SS18: variants seen among roughly 807,000 people sequenced by gnomAD.
The protein encoded by SS18 is protein SSXT.
In SS18, 28 loss-of-function variants were observed where a neutral mutation model predicts 72.5. The observed-to-expected ratio is 0.39, with a 90% CI of 0.29 to 0.53. The LOEUF is 0.53. SS18 is among the 20% of genes least tolerant of loss of function. The pLI is 0.76. For missense variants in SS18, 518 were observed against 535.3 expected (o/e 0.97, Z 0.32); for synonymous variants, 172 against 164.2 (o/e 1.05, Z -0.37).
At chr18:26,058,448 G>A (rs1021437615) in intron 3 of SS18, among the ~76,000 whole-genome samples, 7 of 152,200 alleles carry the variant, frequency 4.6e-5, no homozygotes, top group Admixed American at 1.3e-4. Flanking sequence ...TATTTTGGTG[G>A]AGAAAGCAAA....
chr18:26,035,230 G>T lies in SS18; in HGVS notation c.974-103C>A. ...CAACAACACAAGAACAAAATGAAAT[G>T]CCATATTGATTTTTAGAAGTTAACA... On this transcript the variant is annotated intron_variant, in intron 8 of 10. Transcript: ENST00000415083. The surrounding 1 kb of genome is among the most constrained non-coding windows in gnomAD (Gnocchi z 4.4). 7.7e-7 allele frequency: 1 copy of T among 1,294,014 alleles called. No homozygotes were observed. The allele number at this position is 1,294,014 out of a possible 1,614,324, so 80.2% of individuals were successfully genotyped here.
intron 3 of SS18, among the ~76,000 whole-genome samples, chr18:26,077,196 C>A (rs2054431317): frequency 6.6e-6 from 1 of 151,882 alleles, no homozygotes; most frequent in African/African-American, 2.4e-5. Flanking sequence ...TCAAGTATAC[C>A]CATTGATCAA....
chr18:26,057,438 G>A (rs533292132), intron 4 of SS18, 151 bp downstream of exon 4: 1 of 836,404 alleles, frequency 1.2e-6, no homozygotes, highest in East Asian at 2.6e-5. Flanking sequence ...TACAGGTCAC[G>A]TAGCTCTGTA....
chr18:26,052,703 C>A lies in SS18; in HGVS notation c.528G>T (p.Gln176His). 6.2e-7 allele frequency: 1 copy of A among 1,614,158 alleles called. No homozygotes were observed. The highest frequency in any genetic ancestry group is 8.5e-7 in the Non-Finnish European group (1 of 1,179,992). The change falls in exon 5 of 11, where the codon CAG becomes CAT. Residue 176 changes from glutamine (Q) to histidine (H), a missense_variant. Transcript: ENST00000415083. ...SVPSSQSMPV[Q>H]NQMTMSQGQP... ...GTCCCTGACTCATTGTCATCTGATT[C>A]TGTACTGGCATGCTCTGTGATGATG...
At chr18:26,077,632 T>C (rs2054440224) in intron 3 of SS18, among the ~76,000 whole-genome samples, 1 of 152,174 alleles carries the variant, frequency 6.6e-6, no homozygotes, top group South Asian at 2.1e-4. Flanking sequence ...TTTAGGTTTG[T>C]TTTAGATAAC....
intron 3 of SS18, among the ~76,000 whole-genome samples, chr18:26,065,963 T>A (rs1049752496): frequency 6.6e-6 from 1 of 151,716 alleles, no homozygotes; most frequent in South Asian, 2.1e-4. Flanking sequence ...TTACGTGGAT[T>A]TGTCAAAACT....
intron 10 of SS18, among the ~76,000 whole-genome samples, chr18:26,030,273 T>C (rs1043702387): frequency 1.3e-5 from 2 of 152,198 alleles, no homozygotes; most frequent in Non-Finnish European, 2.9e-5. Context: ...TTAACACTAG[T>C]CCCTTTGTGA....
intron 3 of SS18, among the ~76,000 whole-genome samples, chr18:26,070,099 C>A (rs2054287845): frequency 6.6e-6 from 1 of 152,128 alleles, no homozygotes. Context: ...TCAGCCTTCA[C>A]CACCACACAA....
intron 3 of SS18, among the ~76,000 whole-genome samples, chr18:26,065,168 C>T (rs1397452292): frequency 3.3e-5 from 5 of 152,214 alleles, no homozygotes; most frequent in South Asian, 2.1e-4. Flanking sequence ...ATGTTGACCT[C>T]AAGATTCCAT....
At chr18:26,071,176 G>A (rs2054304232) in intron 3 of SS18, among the ~76,000 whole-genome samples, 1 of 152,154 alleles carries the variant, frequency 6.6e-6, no homozygotes, top group Non-Finnish European at 1.5e-5. Context: ...TTTGCTTGAA[G>A]AGATAATGAC....
chr18:26,087,239 T>C (rs543260364), intron 2 of SS18, among the ~76,000 whole-genome samples: 3 of 152,014 alleles, frequency 2.0e-5, no homozygotes, highest in South Asian at 4.2e-4. Context: ...AGTAGATTAG[T>C]GGTTGTCACG....
At position 26,035,204 on chromosome 18, in the gene SS18, C is replaced by G. The variant is rs141028137; in HGVS notation, c.974-77G>C. ...ACTTTTTTCCCTCTAAGATGCATAG[C>G]CAACAACACAAGAACAAAATGAAAT... On this transcript the variant is annotated intron_variant, in intron 8 of 10. Transcript: ENST00000415083. The surrounding 1 kb of genome is among the most constrained non-coding windows in gnomAD (Gnocchi z 4.4). The G allele has an allele frequency of 2.5e-4, 366 of 1,465,120 alleles. 2 individuals carry two copies. The African/African-American group carries it at 3.1e-3, about 13-fold the overall frequency. The allele number at this position is 1,465,120 out of a possible 1,614,324, so 90.8% of individuals were successfully genotyped here.
chr18:26,053,658 G>GTT (rs2053962683), intron 4 of SS18, among the ~76,000 whole-genome samples: 3 of 152,076 alleles, frequency 2.0e-5, no homozygotes, highest in African/African-American at 7.2e-5. Flanking sequence ...GACATAATGA[G>GTT]GGAATGACTA....
At chr18:26,082,308 G>T (rs1024728760) in intron 2 of SS18, 1 of 837,628 alleles carries the variant, frequency 1.2e-6, no homozygotes, top group Non-Finnish European at 1.4e-6. Flanking sequence ...TCTATTTGTT[G>T]ACATAATTAC....
In SS18 at chr18:26,072,824, C is replaced by T. The variant is rs1025811356; in HGVS notation, c.231+5252G>A. ...AAAAAAAAAAAAAAAAAAAAAAAAC[C>T]TTAAAAGAGCTAAAAGGAAAATCAG... is the stretch of plus-strand genomic sequence containing the variant. On this transcript the variant is annotated intron_variant, in intron 3 of 10. Coordinates refer to ENST00000415083, the MANE Select transcript of SS18 (RefSeq NM_001007559.3). Among the ~76,000 whole-genome samples the T allele has an allele frequency of 1.7e-3, 232 of 133,004 alleles. 1 individual carries two copies. Among genetic ancestry groups the T allele is most frequent in the African/African-American group, 5.7e-3 (181 of 31,600 alleles). The allele number at this position is 133,004 out of a possible 152,430, so 87.3% of individuals were successfully genotyped here.
chr18:26,048,840 G>T (rs972218104), intron 5 of SS18, among the ~76,000 whole-genome samples: 4 of 152,184 alleles, frequency 2.6e-5, no homozygotes, highest in Non-Finnish European at 4.4e-5. Context: ...AAATAAGACA[G>T]TAGCTGATAA....
chr18:26,024,937 T>C (rs1365906760), intron 10 of SS18, among the ~76,000 whole-genome samples: 1 of 103,684 alleles, frequency 9.6e-6, no homozygotes, highest in Admixed American at 1.1e-4. Context: ...AATTTAAATA[T>C]AAAAACAAAT....
At chr18:26,025,039 A>G (rs1283778898) in intron 10 of SS18, among the ~76,000 whole-genome samples, 1 of 152,226 alleles carries the variant, frequency 6.6e-6, no homozygotes, top group Non-Finnish European at 1.5e-5. Flanking sequence ...TTTCAGAGCA[A>G]AAAATATTGG....
intron 3 of SS18, among the ~76,000 whole-genome samples, chr18:26,075,565 GA>G (rs1424345118): frequency 6.6e-6 from 1 of 151,882 alleles, no homozygotes; most frequent in Non-Finnish European, 1.5e-5. Flanking sequence ...TAGCACATCA[GA>G]AACAGAAAGG....
Sources: allele counts gnomAD v4.1 joint callset (sites outside exome capture counted in the v4.1 genomes callset), GRCh38; gene constraint gnomAD v4.1.1; non-coding constraint Gnocchi (gnomAD v3.1); transcripts MANE v1.5; gene names NCBI Gene and HGNC (gene_info 2026-07-23, HGNC 2026-07-21).